The following EDNRA variants were observed in gnomAD, a reference collection of about 807,000 sequenced individuals.
EDNRA encodes endothelin-1 receptor.
In EDNRA, 11 loss-of-function variants were observed where a neutral mutation model predicts 41.4. That is an observed-to-expected ratio of 0.27 (90% CI 0.17 to 0.44). The LOEUF (loss-of-function observed/expected upper bound fraction) is 0.44, where lower values mean the gene tolerates loss of function less well. Ranked by LOEUF, EDNRA falls within the 20% of genes least tolerant of loss-of-function variation. The pLI is 1.00. For missense variants in EDNRA, 294 were observed against 531.0 expected (o/e 0.55, Z 4.39); for synonymous variants, 172 against 183.0 (o/e 0.94, Z 0.49).
rs1407801987 is a variant in EDNRA, at chr4:147,485,749, C to T, written c.68C>T (p.Pro23Leu). ...ALVGCVISDN[P>L]ERYSTNLSNH... ...GTTGGATGTGTAATCAGTGATAATC[C>T]TGAGAGATACAGCACAAATCTAAGC... The change falls in exon 2 of 8, where the codon CCT (proline) becomes CTT (leucine). Residue 23 changes from proline to leucine, a missense_variant. This residue lies in a region of EDNRA where 90 missense variants were observed against 122.8 expected (regional missense o/e 0.73). Coordinates refer to ENST00000651419, the MANE Select transcript of EDNRA (RefSeq NM_001957.4). 1.2e-6 allele frequency: 2 copies of T among 1,614,136 alleles called. No individual in the cohort carries two copies.
intron 2 of EDNRA, among the ~76,000 whole-genome samples, chr4:147,515,776 A>G (rs528447401): frequency 1.3e-5 from 2 of 152,296 alleles, no homozygotes; most frequent in African/African-American, 4.8e-5. Flanking sequence ...AACCAATGAG[A>G]TCTTGCATTG....
intron 2 of EDNRA, among the ~76,000 whole-genome samples, chr4:147,505,622 G>A (rs1254944232): frequency 2.7e-5 from 4 of 146,856 alleles, no homozygotes; most frequent in Non-Finnish European, 4.5e-5. Flanking sequence ...GATTACAGGC[G>A]TAAGCCACCC....
chr4:147,491,631 G>A (rs574190014), intron 2 of EDNRA: 5 of 152,182 alleles, frequency 3.3e-5, no homozygotes, highest in African/African-American at 9.6e-5. Context: ...TATAGACAAG[G>A]CAGAAGACAT....
At chr4:147,537,336 T>C (rs1484492532) in intron 5 of EDNRA, among the ~76,000 whole-genome samples, 1 of 152,238 alleles carries the variant, frequency 6.6e-6, no homozygotes, top group Non-Finnish European at 1.5e-5. Context: ...CATTGACATT[T>C]AGCAAGAAGA....
chr4:147,496,040 A>C (rs1729288538), intron 2 of EDNRA: 1 of 152,268 alleles, frequency 6.6e-6, no homozygotes, highest in Non-Finnish European at 1.5e-5. Context: ...AGCAACAAAT[A>C]AAGGAAACAT....
At chr4:147,518,802 T>C (rs2126446735) in intron 2 of EDNRA, among the ~76,000 whole-genome samples, 1 of 151,528 alleles carries the variant, frequency 6.6e-6, no homozygotes, top group East Asian at 1.9e-4. Flanking sequence ...TGTTTCCTAG[T>C]GAGTTAAGTT....
chr4:147,506,468 T>C, intron 2 of EDNRA: 1 of 355,226 alleles, frequency 2.8e-6, no homozygotes. Context: ...TGGACAAAGT[T>C]GTAACAGCCA....
At chr4:147,507,600 AC>A (rs1416232074) in intron 2 of EDNRA, among the ~76,000 whole-genome samples, 1 of 152,150 alleles carries the variant, frequency 6.6e-6, no homozygotes, top group African/African-American at 2.4e-5. Context: ...GCGGTGATAA[AC>A]CTGTTCTGTA....
intron 3 of EDNRA, among the ~76,000 whole-genome samples, chr4:147,525,751 C>G (rs2126460833): frequency 6.6e-6 from 1 of 152,192 alleles, no homozygotes; most frequent in Non-Finnish European, 1.5e-5. Flanking sequence ...GGGAAGAAGG[C>G]TATAAAAAGA....
chr4:147,535,616 T>C (rs1346815883), intron 4 of EDNRA, among the ~76,000 whole-genome samples: 1 of 152,364 alleles, frequency 6.6e-6, no homozygotes. Flanking sequence ...CTTCAATCTA[T>C]GAAAAGTATC....
chr4:147,497,562 C>G (rs751194806), intron 2 of EDNRA, among the ~76,000 whole-genome samples: 6 of 151,626 alleles, frequency 4.0e-5, no homozygotes. Context: ...GTTTTATACT[C>G]AAGTATTTTC....
chr4:147,497,782 C>T (rs1729362957), intron 2 of EDNRA, among the ~76,000 whole-genome samples: 1 of 152,106 alleles, frequency 6.6e-6, no homozygotes, highest in Non-Finnish European at 1.5e-5. Flanking sequence ...CCGTGTTAGC[C>T]AGGACGGTCT....
intron 2 of EDNRA, chr4:147,493,982 T>A (rs1729223424): frequency 6.6e-6 from 1 of 152,170 alleles, no homozygotes; most frequent in Admixed American, 6.5e-5. Flanking sequence ...CTTAAACACC[T>A]CTAAGAGTTT....
At chr4:147,540,062 G>A in intron 6 of EDNRA, 112 bp downstream of exon 6, 1 of 1,426,272 alleles carries the variant, frequency 7.0e-7, no homozygotes, top group Non-Finnish European at 9.4e-7. Flanking sequence ...AATTAAAACT[G>A]CAAAGTTGAT....
chr4:147,497,637 T>C (rs938774017), intron 2 of EDNRA, among the ~76,000 whole-genome samples: 1 of 152,170 alleles, frequency 6.6e-6, no homozygotes, highest in Admixed American at 6.5e-5. Context: ...AGTGGCGCGA[T>C]CTTGGCTCAC....
intron 2 of EDNRA, among the ~76,000 whole-genome samples, chr4:147,506,971 T>G (rs892862509): frequency 6.6e-6 from 1 of 152,188 alleles, no homozygotes; most frequent in African/African-American, 2.4e-5. Flanking sequence ...AGACTTAACT[T>G]GTATTAAACC....
chr4:147,498,098 A>G (rs1729377392), intron 2 of EDNRA, among the ~76,000 whole-genome samples: 1 of 152,204 alleles, frequency 6.6e-6, no homozygotes, highest in Non-Finnish European at 1.5e-5. Context: ...TCCCAAAAAG[A>G]AATTTTATTT....
chr4:147,539,809 T>G lies in EDNRA; in HGVS notation c.901-8T>G. The G allele has an allele frequency of 6.2e-7, 1 of 1,603,420 alleles. No homozygotes were observed. Among genetic ancestry groups the G allele is most frequent in the Non-Finnish European group, 8.5e-7 (1 of 1,177,688 alleles). On this transcript the variant is annotated splice_polypyrimidine_tract_variant and splice_region_variant and intron_variant, in intron 5 of 7. Coordinates refer to ENST00000651419, the MANE Select transcript of EDNRA (RefSeq NM_001957.4). The stretch of plus-strand genomic sequence containing the variant: ...TTGTTGTCCTATTTTTTTCTCACTT[T>G]CCTTTAGCGTCGAGAAGTGGCAAAA...
At chr4:147,502,142 A>G (rs1199166925) in intron 2 of EDNRA, among the ~76,000 whole-genome samples, 1 of 152,314 alleles carries the variant, frequency 6.6e-6, no homozygotes, top group East Asian at 1.9e-4. Flanking sequence ...TAATTTTGGA[A>G]ACGTATTGGG....
Sources: gnomAD v4.1 joint callset for allele counts (sites outside exome capture counted in the v4.1 genomes callset) on GRCh38, gnomAD v4.1.1 for gene constraint, gnomAD v4.1.1 regional missense constraint, MANE v1.5 for transcripts, NCBI Gene and HGNC (gene_info 2026-07-23, HGNC 2026-07-21) for gene names.